Variants in SHANK2 observed in about 807,000 individuals in gnomAD.
SHANK2 encodes the protein SH3 and multiple ankyrin repeat domains 2.
Under a neutral mutation model 133.7 loss-of-function variants are expected in SHANK2, and 43 were observed. The ratio of observed to expected loss-of-function variants is 0.32; its 90% CI spans 0.25 to 0.41. The LOEUF (loss-of-function observed/expected upper bound fraction) is 0.41. Among genes scored for constraint, SHANK2 ranks in the 10% least tolerant of loss-of-function variants. SHANK2 has a pLI of 1.00. For missense variants in SHANK2, 1,994 were observed against 2,235.8 expected, an observed-to-expected ratio of 0.89 and a Z score of 2.18; for synonymous variants, 1,017 against 952.8, an observed-to-expected ratio of 1.07 and a Z score of -1.24.
chr11:70,724,573 T>C (rs559443879), intron 14 of SHANK2, among the ~76,000 whole-genome samples: 149 of 152,324 alleles, frequency 9.8e-4, no homozygotes, highest in African/African-American at 3.5e-3. Flanking sequence ...AAGCATGGTA[T>C]CCTTTTGGAA....
At chr11:70,661,735 G>C (rs1471947137) in intron 15 of SHANK2, 57 bp from the exon 16 acceptor site, 27 of 1,613,942 alleles carry the variant, frequency 1.7e-5, no homozygotes, top group Non-Finnish European at 2.2e-5. Context: ...TCATCACCGC[G>C]GCCGCTCCTC....
intron 8 of SHANK2, among the ~76,000 whole-genome samples, chr11:71,090,021 G>A (rs1951478876): frequency 1.3e-5 from 2 of 152,234 alleles, no homozygotes. Flanking sequence ...TCCGAGTGCT[G>A]TGCAAGAATT....
At chr11:71,112,945 C>T (rs1951913555) in intron 5 of SHANK2, among the ~76,000 whole-genome samples, 1 of 152,232 alleles carries the variant, frequency 6.6e-6, no homozygotes, top group East Asian at 1.9e-4. Flanking sequence ...AACAGCAGAA[C>T]ACTAATACGG....
At chr11:71,077,136 C>T (rs1036463224) in intron 8 of SHANK2, among the ~76,000 whole-genome samples, 4 of 152,222 alleles carry the variant, frequency 2.6e-5, no homozygotes, top group Admixed American at 1.3e-4. Context: ...CCTCCCCTCA[C>T]CCAGTCGTTT....
intron 17 of SHANK2, among the ~76,000 whole-genome samples, chr11:70,575,640 GT>G (rs1482702040): frequency 2.0e-5 from 3 of 151,394 alleles, no homozygotes; most frequent in African/African-American, 7.3e-5. Context: ...CACCTTTGGT[GT>G]TTCCACATGT....
rs535433271 is a variant in SHANK2, at chr11:70,717,639, C to T, written c.1778-18876G>A. Among the ~76,000 whole-genome samples the T allele has an allele frequency of 1.1e-4, 16 of 152,250 alleles. 1 individual carries two copies. The highest frequency in any genetic ancestry group is 4.1e-4 in the South Asian group (2 of 4,826). ...CAGCTCTCGTAAAGAACAAAGGCTCCGCACACCAGCCCACAGCGTACCTCC... is the reference window on the plus strand; with the variant it reads ...CAGCTCTCGTAAAGAACAAAGGCTCTGCACACCAGCCCACAGCGTACCTCC... On this transcript the variant is annotated intron_variant, in intron 14 of 25. Coordinates refer to ENST00000601538, the MANE Select transcript of SHANK2 (RefSeq NM_012309.5).
chr11:70,599,929 AAG>A (rs782174822), intron 17 of SHANK2, among the ~76,000 whole-genome samples: 2 of 121,754 alleles, frequency 1.6e-5, no homozygotes, highest in African/African-American at 4.2e-5. Context: ...GAAAGAAAGA[AAG>A]AAAGAAAGAA....
intron 6 of SHANK2, among the ~76,000 whole-genome samples, chr11:71,099,189 T>A (rs1436536249): frequency 6.7e-6 from 1 of 148,440 alleles, no homozygotes; most frequent in African/African-American, 2.5e-5. Flanking sequence ...CACCAAGAGG[T>A]GCCCAGGGAG....
At chr11:70,884,750 C>T (rs960928253) in intron 11 of SHANK2, among the ~76,000 whole-genome samples, 3 of 152,262 alleles carry the variant, frequency 2.0e-5, no homozygotes, top group East Asian at 3.9e-4. Flanking sequence ...GACGAAGTCT[C>T]GTTCTTGTTG....
rs36140840 is a variant in SHANK2, at chr11:71,074,773, A to ATT, written c.1029+384_1029+385dup. On this transcript the variant is annotated intron_variant, in intron 9 of 25. Transcript: ENST00000601538. ...TTTTGTAGTTTGCTGACCTAAGCCA[A>ATT]TTTTTTTTTTTTTTTTTTTTTTTTG... Among the ~76,000 whole-genome samples, 815 of 92,400 alleles carry ATT rather than the reference A, an allele frequency of 8.8e-3. 4 individuals carry two copies. Among genetic ancestry groups the ATT allele is most frequent in the Middle Eastern group, 0.026 (4 of 152 alleles). The allele number at this position is 92,400 out of a possible 152,430, so 60.6% of individuals were successfully genotyped here.
chr11:70,545,476 G>C (rs559419266), intron 17 of SHANK2, among the ~76,000 whole-genome samples: 1 of 152,092 alleles, frequency 6.6e-6, no homozygotes, highest in Non-Finnish European at 1.5e-5. Flanking sequence ...CCACCTCAGC[G>C]CCCACTGCAG....
chr11:71,207,728 C>T (rs962004373), intron 2 of SHANK2, among the ~76,000 whole-genome samples: 9 of 152,182 alleles, frequency 5.9e-5, no homozygotes, highest in Non-Finnish European at 7.4e-5. Context: ...CGTGTGACCC[C>T]GTCTCTCTCA....
At chr11:70,912,134 AAAGAG>A (rs1346534252) in intron 10 of SHANK2, among the ~76,000 whole-genome samples, 59 of 151,406 alleles carry the variant, frequency 3.9e-4, no homozygotes, top group African/African-American at 1.2e-3. Context: ...GAAAGAAAGA[AAAGAG>A]AAGAGAAGAG....
chr11:70,782,206 A>G (rs1248491282), intron 14 of SHANK2, among the ~76,000 whole-genome samples: 3 of 152,190 alleles, frequency 2.0e-5, no homozygotes, highest in Non-Finnish European at 4.4e-5. Context: ...CTGGGATTAC[A>G]GGTGCCCGCT....
chr11:71,137,541 C>T (rs547023919), intron 3 of SHANK2, among the ~76,000 whole-genome samples: 74 of 152,226 alleles, frequency 4.9e-4, no homozygotes, highest in African/African-American at 1.7e-3. Flanking sequence ...CTATCGCCGC[C>T]AGGGTGCTGG....
chr11:70,577,521 C>T (rs2060131100), intron 17 of SHANK2, among the ~76,000 whole-genome samples: 1 of 152,218 alleles, frequency 6.6e-6, no homozygotes, highest in African/African-American at 2.4e-5. Context: ...GGCGTGGGGT[C>T]CTGGCCAGTG....
In SHANK2 at chr11:70,867,116, TAA is replaced by T. The variant is rs34341953; in HGVS notation, c.1174+29383_1174+29384del. On this transcript the variant is annotated intron_variant, in intron 11 of 25. Transcript: ENST00000601538. ...GGATTTGAATCCAATTCGGTGTATT[TAA>T]AAAAAAAAAAAAAAAAGAGAGAGAG... Among the ~76,000 whole-genome samples the T allele has an allele frequency of 1.8e-3, 242 of 137,800 alleles. 1 individual carries two copies. The highest frequency in any genetic ancestry group is 6.6e-3 in the East Asian group (31 of 4,666). The allele number at this position is 137,800 out of a possible 152,430, so 90.4% of individuals were successfully genotyped here.
intron 14 of SHANK2, among the ~76,000 whole-genome samples, chr11:70,753,604 CAAAGAAAT>C (rs33969716): frequency 0.33 from 49,839 of 151,434 alleles, 8,443 homozygotes; most frequent in Admixed American, 0.36. Context: ...GTAAGACTGA[CAAAGAAAT>C]AAAGACAGAA....
At chr11:70,923,988 AC>A (rs1345549459) in intron 10 of SHANK2, among the ~76,000 whole-genome samples, 2 of 152,194 alleles carry the variant, frequency 1.3e-5, no homozygotes, top group Admixed American at 1.3e-4. Flanking sequence ...CTTGTGAGAC[AC>A]TGCAGTGAGC....
Sources: allele counts gnomAD v4.1 joint callset (sites outside exome capture counted in the v4.1 genomes callset), GRCh38; gene constraint gnomAD v4.1.1; transcripts MANE v1.5; gene names NCBI Gene and HGNC (gene_info 2026-07-23, HGNC 2026-07-21).